TMEM232: variants seen among roughly 807,000 people sequenced by gnomAD.
The protein encoded by TMEM232 is transmembrane protein 232.
A neutral mutation model predicts 78.8 loss-of-function variants in TMEM232; 80 were observed. That is an observed-to-expected ratio of 1.01 (90% CI 0.85 to 1.22). The LOEUF is 1.22. Among genes scored for constraint, TMEM232 ranks in the 50% most tolerant of loss-of-function variants. The pLI is 0.00. For synonymous variants in TMEM232, 297 were observed against 254.3 expected, an observed-to-expected ratio of 1.17 and a Z score of -1.60; for missense variants, 881 against 742.2, an observed-to-expected ratio of 1.19 and a Z score of -2.17.
At chr5:110,582,889 T>C (rs1778367565) in intron 10 of TMEM232, among the ~76,000 whole-genome samples, 1 of 151,842 alleles carries the variant, frequency 6.6e-6, no homozygotes, top group Admixed American at 6.6e-5. Flanking sequence ...AAAAGGAAAT[T>C]AGTAAAACAT....
At chr5:110,656,558 G>C (rs970968585) in intron 2 of TMEM232, among the ~76,000 whole-genome samples, 2 of 152,194 alleles carry the variant, frequency 1.3e-5, no homozygotes, top group South Asian at 2.1e-4. Flanking sequence ...AAGAAAGTCA[G>C]GCCAGGCACA....
At position 110,419,556 on chromosome 5, in the gene TMEM232, C is replaced by G. The variant is rs1445774407; in HGVS notation, c.*1024G>C. On this transcript the variant is annotated 3_prime_UTR_variant, in exon 14 of 14. Coordinates refer to ENST00000455884, the MANE Select transcript of TMEM232 (RefSeq NM_001039763.4). ...TCCCATTTAAAAGCTTCTTGAAAGGCTGGATGATTTTACAATACTGACATA... is the reference window on the plus strand; with the variant it reads ...TCCCATTTAAAAGCTTCTTGAAAGGGTGGATGATTTTACAATACTGACATA... Among the ~76,000 whole-genome samples the G allele has an allele frequency of 3.3e-5, 5 of 152,056 alleles. No homozygotes were observed. The highest frequency in any genetic ancestry group is 7.4e-5 in the Non-Finnish European group (5 of 67,958).
chr5:110,635,581 C>T (rs967680630), intron 5 of TMEM232, among the ~76,000 whole-genome samples: 4 of 151,804 alleles, frequency 2.6e-5, no homozygotes, highest in Admixed American at 6.6e-5. Flanking sequence ...GAACAAAAAC[C>T]GTATGATCAT....
chr5:110,604,415 A>C (rs977469776), intron 10 of TMEM232, among the ~76,000 whole-genome samples: 1 of 152,084 alleles, frequency 6.6e-6, no homozygotes, highest in Non-Finnish European at 1.5e-5. Context: ...ATTATACTAG[A>C]ATATTTGAGT....
At chr5:110,540,639 G>A (rs1422052434) in intron 11 of TMEM232, among the ~76,000 whole-genome samples, 1 of 152,182 alleles carries the variant, frequency 6.6e-6, no homozygotes, top group Non-Finnish European at 1.5e-5. Context: ...GTCAAATAGG[G>A]AGCACTGGAG....
At chr5:110,564,639 A>G (rs1945107499) in intron 11 of TMEM232, among the ~76,000 whole-genome samples, 1 of 151,918 alleles carries the variant, frequency 6.6e-6, no homozygotes, top group African/African-American at 2.4e-5. Flanking sequence ...GCGTGAACCC[A>G]TGCTAACCTA....
intron 10 of TMEM232, among the ~76,000 whole-genome samples, chr5:110,590,625 G>T (rs1779397580): frequency 6.6e-6 from 1 of 151,926 alleles, no homozygotes; most frequent in African/African-American, 2.4e-5. Flanking sequence ...TGCCAAAAAA[G>T]TTGGGGACCA....
At chr5:110,599,747 A>C (rs1780659712) in intron 10 of TMEM232, among the ~76,000 whole-genome samples, 1 of 152,176 alleles carries the variant, frequency 6.6e-6, no homozygotes, top group Admixed American at 6.6e-5. Flanking sequence ...TGTCAATATT[A>C]GACAGATCAA....
At chr5:110,738,806 T>G (rs915607649), upstream of TMEM232, 54 of 487,536 alleles carry the variant, frequency 1.1e-4, no homozygotes, top group Middle Eastern at 5.6e-4. Context: ...CCTACACCAG[T>G]TCTCTTTCTG....
intron 10 of TMEM232, among the ~76,000 whole-genome samples, chr5:110,585,647 C>A (rs542857057): frequency 6.6e-6 from 1 of 152,232 alleles, no homozygotes; most frequent in African/African-American, 2.4e-5. Context: ...AGCTTTTCTT[C>A]TCACATATTC....
intron 12 of TMEM232, among the ~76,000 whole-genome samples, chr5:110,476,677 T>C (rs1051021327): frequency 6.6e-6 from 1 of 152,076 alleles, no homozygotes; most frequent in Non-Finnish European, 1.5e-5. Flanking sequence ...TGAATAATCA[T>C]GGTAATGAAC....
At chr5:110,701,053 T>C (rs1795389484) in intron 1 of TMEM232, among the ~76,000 whole-genome samples, 1 of 151,878 alleles carries the variant, frequency 6.6e-6, no homozygotes, top group South Asian at 2.1e-4. Flanking sequence ...ACCAAAACAT[T>C]TGATAGGAAG....
At chr5:110,639,450 G>A (rs1369280507) in intron 4 of TMEM232, among the ~76,000 whole-genome samples, 1 of 152,080 alleles carries the variant, frequency 6.6e-6, no homozygotes, top group Non-Finnish European at 1.5e-5. Context: ...AAGGTTCCAG[G>A]GACAGCTAAG....
chr5:110,693,244 C>T (rs896908007), intron 1 of TMEM232, among the ~76,000 whole-genome samples: 6 of 152,190 alleles, frequency 3.9e-5, no homozygotes, highest in African/African-American at 1.4e-4. Context: ...GCTGAGGGTA[C>T]TGACTGTTAG....
intron 1 of TMEM232, among the ~76,000 whole-genome samples, chr5:110,692,837 G>A (rs556728470): frequency 6.6e-6 from 1 of 152,316 alleles, no homozygotes; most frequent in Admixed American, 6.5e-5. Flanking sequence ...CACAGCTCAA[G>A]GAGGCTGGCC....
chr5:110,663,878 T>A (rs781471227), intron 2 of TMEM232, among the ~76,000 whole-genome samples: 17 of 152,204 alleles, frequency 1.1e-4, no homozygotes, highest in Middle Eastern at 3.4e-3. Context: ...ATGGCTCACA[T>A]CTATAACCCC....
intron 12 of TMEM232, among the ~76,000 whole-genome samples, chr5:110,447,302 C>A (rs1218886431): frequency 1.3e-5 from 2 of 152,084 alleles, no homozygotes; most frequent in Non-Finnish European, 2.9e-5. Context: ...CGTCTCCTTA[C>A]ATTCCTGCAC....
intron 12 of TMEM232, among the ~76,000 whole-genome samples, chr5:110,500,597 A>G (rs551504894): frequency 3.9e-5 from 6 of 152,268 alleles, no homozygotes; most frequent in South Asian, 4.1e-4. Flanking sequence ...TTTTAATTCA[A>G]TGATCTAAGT....
intron 2 of TMEM232, among the ~76,000 whole-genome samples, chr5:110,405,195 G>C (rs1366498335): frequency 6.6e-6 from 1 of 151,988 alleles, no homozygotes; most frequent in Non-Finnish European, 1.5e-5. Context: ...AATGAAGCAG[G>C]CTGATCACAG....
Sources: gnomAD v4.1 joint callset for allele counts (sites outside exome capture counted in the v4.1 genomes callset) on GRCh38, gnomAD v4.1.1 for gene constraint, MANE v1.5 for transcripts, NCBI Gene and HGNC (gene_info 2026-07-23, HGNC 2026-07-21) for gene names.